MOCS2: variants seen among roughly 807,000 people sequenced by gnomAD.
MOCS2 encodes molybdopterin synthase catalytic subunit.
A neutral mutation model predicts 21.9 loss-of-function variants in MOCS2; 13 were observed. That is an observed-to-expected ratio of 0.59 (90% CI 0.39 to 0.94). MOCS2 has a LOEUF of 0.94. Ranked by LOEUF, MOCS2 falls within the 40% of genes least tolerant of loss-of-function variation. The probability of loss-of-function intolerance (pLI) is 0.00; values close to 1 mark genes in which losing one functional copy is unlikely to be tolerated. For synonymous variants in MOCS2, 92 were observed against 80.8 expected, an observed-to-expected ratio of 1.14 and a Z score of -0.74; for missense variants, 227 against 218.3, an observed-to-expected ratio of 1.04 and a Z score of -0.25.
chr5:53,107,327 C>A lies in MOCS2; in HGVS notation c.-47-106G>T, dbSNP rs1341077858. The A allele has an allele frequency of 1.2e-5, 13 of 1,076,742 alleles. No individual in the cohort carries two copies. The East Asian group carries it at 1.6e-4, about 13-fold the overall frequency. The allele number at this position is 1,076,742 out of a possible 1,614,324, so 66.7% of individuals were successfully genotyped here. The stretch of plus-strand genomic sequence containing the variant: ...ATAGATATAATTATATAAAGCATCA[C>A]CTGCAAAATTACCAATTAAATTTAC... On this transcript the variant is annotated intron_variant, in intron 2 of 6. Coordinates refer to ENST00000396954, the MANE Select transcript of MOCS2 (RefSeq NM_004531.5).
intron 3 of MOCS2, among the ~76,000 whole-genome samples, chr5:53,103,056 C>T (rs1043708147): frequency 2.0e-5 from 3 of 151,818 alleles, no homozygotes; most frequent in African/African-American, 4.8e-5. Context: ...TTTTATCTGA[C>T]GGGCTCACAT....
intron 1 of MOCS2, 97 bp from the exon 2 acceptor site, chr5:53,108,740 T>C: frequency 1.6e-6 from 2 of 1,241,640 alleles, no homozygotes; most frequent in Non-Finnish European, 2.2e-6. Flanking sequence ...ATTGCTTTAA[T>C]CAAAGACAAA....
chr5:53,109,661 C>G lies in MOCS2; in HGVS notation c.-580G>C, dbSNP rs1741155547. On this transcript the variant is annotated 5_prime_UTR_variant, in exon 1 of 7. Transcript: ENST00000396954. The stretch of plus-strand genomic sequence containing the variant: ...GTGGAGGGAAAGGGCGGGAGAGACA[C>G]GTCGAGGAGGGCTCCGCACCCAGGC... 2 of 1,549,508 alleles carry G rather than the reference C, an allele frequency of 1.3e-6. No homozygotes were observed. Among genetic ancestry groups the G allele is most frequent in the Non-Finnish European group, 8.7e-7 (1 of 1,146,590 alleles).
At chr5:53,102,278 A>G in intron 3 of MOCS2, 54 bp from the exon 4 acceptor site, 2 of 1,508,724 alleles carry the variant, frequency 1.3e-6, no homozygotes, top group Non-Finnish European at 1.8e-6. Flanking sequence ...TAAAACACTC[A>G]ACAACTTATA....
chr5:53,107,038 T>A, intron 3 of MOCS2, 39 bp downstream of exon 3: 1 of 1,611,188 alleles, frequency 6.2e-7, no homozygotes, highest in Non-Finnish European at 8.5e-7. Flanking sequence ...GTATGATCCT[T>A]CCCCACACGA....
rs1288528536 is a variant in MOCS2 at position 53,097,683 on chromosome 5, G to T, written c.*919C>A. On this transcript the variant is annotated 3_prime_UTR_variant, in exon 7 of 7. Coordinates refer to ENST00000396954, the MANE Select transcript of MOCS2 (RefSeq NM_004531.5). ...GAATATGTTAATTAGTTGGATTATG[G>T]TAATCACCTCACAATGTATATGTGT... is the stretch of plus-strand genomic sequence containing the variant. 6.6e-6 allele frequency: 1 copy of T among 151,978 alleles called. No individual in the cohort carries two copies. The highest frequency in any genetic ancestry group is 1.5e-5 in the Non-Finnish European group (1 of 68,000). The allele number at this position is 151,978 out of a possible 1,614,324, so 9.4% of individuals were successfully genotyped here. A position where few individuals can be genotyped will look rare whatever the true frequency, so the allele number is the denominator to read the frequency against.
intron 3 of MOCS2, among the ~76,000 whole-genome samples, chr5:53,104,876 T>C (rs1489884567): frequency 6.6e-6 from 1 of 152,238 alleles, no homozygotes; most frequent in Non-Finnish European, 1.5e-5. Flanking sequence ...CAAGAGTTTT[T>C]ATTCAGGGAT....
rs1741149283 is a variant in MOCS2 at position 53,109,549 on chromosome 5, G to GGGGGCC, written c.-469_-468insGGCCCC. 7.2e-7 allele frequency: 1 copy of GGGGGCC among 1,390,784 alleles called. No homozygotes were observed. Among genetic ancestry groups the GGGGGCC allele is most frequent in the East Asian group, 2.7e-5 (1 of 36,704 alleles). The allele number at this position is 1,390,784 out of a possible 1,614,324, so 86.2% of individuals were successfully genotyped here. On this transcript the variant is annotated 5_prime_UTR_variant, in exon 1 of 7. Transcript: ENST00000396954. ...TAAAGCCCGGAGACAGGAAGGGCCC[G>GGGGGCC]GGGGCGGGGGCGGGGGCGCCCCCGA...
At chr5:53,105,239 G>A (rs958626406) in intron 3 of MOCS2, among the ~76,000 whole-genome samples, 2 of 151,956 alleles carry the variant, frequency 1.3e-5, no homozygotes, top group Non-Finnish European at 2.9e-5. Flanking sequence ...CCAATAATAT[G>A]AGTTCAAATG....
intron 3 of MOCS2, among the ~76,000 whole-genome samples, chr5:53,105,956 C>G (rs910345944): frequency 6.6e-6 from 1 of 152,136 alleles, no homozygotes; most frequent in Non-Finnish European, 1.5e-5. Context: ...ATGTGGCCAA[C>G]AATCATATGA....
intron 5 of MOCS2, chr5:53,101,130 C>T: frequency 1.7e-6 from 1 of 586,172 alleles, no homozygotes; most frequent in Non-Finnish European, 3.0e-6. Context: ...AGTCTTGGCA[C>T]AACTGCAGTT....
In MOCS2 at chr5:53,100,461, C is replaced by T; in HGVS notation, c.451G>A (p.Val151Met). The T allele has an allele frequency of 6.2e-7, 1 of 1,613,806 alleles. No homozygotes were observed. Among genetic ancestry groups the T allele is most frequent in the South Asian group, 1.1e-5 (1 of 91,080 alleles). Reference sequence around the variant, plus strand: ...TTTAAAGTATCAATGGCATAGCTCACAGCTTCAAGAGATGCAGCTCTGTGG... The same window carrying T: ...TTTAAAGTATCAATGGCATAGCTCATAGCTTCAAGAGATGCAGCTCTGTGG... ...SAHRAASLEA[V>M]SYAIDTLKAK... The change falls in exon 6 of 7, where the codon GTG (valine) becomes ATG (methionine). Residue 151 changes from valine (V) to methionine (M), a missense_variant. Val to Met is a conservative substitution (Grantham distance 21, BLOSUM62 1). Transcript: ENST00000396954.
chr5:53,109,672 G>A lies in MOCS2; in HGVS notation c.-591C>T, dbSNP rs757637004. On this transcript the variant is annotated 5_prime_UTR_variant, in exon 1 of 7. Coordinates refer to ENST00000396954, the MANE Select transcript of MOCS2 (RefSeq NM_004531.5). Reference sequence around the variant, plus strand: ...GGGCGGGAGAGACACGTCGAGGAGGGCTCCGCACCCAGGCCCGCACGCACA... The same window carrying A: ...GGGCGGGAGAGACACGTCGAGGAGGACTCCGCACCCAGGCCCGCACGCACA... The A allele has an allele frequency of 1.3e-6, 2 of 1,551,020 alleles. No homozygotes were observed. Among genetic ancestry groups the A allele is most frequent in the Admixed American group, 3.9e-5 (2 of 51,302 alleles).
Position 53,109,726 on chromosome 5 carries a change from C to A in MOCS2, c.-645G>T. 3.9e-6 allele frequency: 6 copies of A among 1,551,576 alleles called. No homozygotes were observed. The highest frequency in any genetic ancestry group is 5.2e-6 in the Non-Finnish European group (6 of 1,147,610). ...GCCACCCTTACCTGGCACAGCGGCACCATCCCGCCTAGGACAGCGGGACCG... is the reference window on the plus strand; with the variant it reads ...GCCACCCTTACCTGGCACAGCGGCAACATCCCGCCTAGGACAGCGGGACCG... On this transcript the variant is annotated 5_prime_UTR_variant, in exon 1 of 7. Transcript: ENST00000396954.
intron 6 of MOCS2, among the ~76,000 whole-genome samples, chr5:53,100,000 A>ATT (rs112807613): frequency 6.6e-5 from 10 of 150,882 alleles, no homozygotes; most frequent in African/African-American, 2.2e-4. Context: ...ATATCTCACC[A>ATT]TTTTTTTTTC....
intron 3 of MOCS2, among the ~76,000 whole-genome samples, chr5:53,102,776 G>T (rs1284354798): frequency 6.6e-6 from 1 of 151,806 alleles, no homozygotes; most frequent in East Asian, 1.9e-4. Flanking sequence ...GTGAAACCCC[G>T]TCTCTACTAA....
At chr5:53,105,018 G>C (rs1407941892) in intron 3 of MOCS2, among the ~76,000 whole-genome samples, 5 of 152,126 alleles carry the variant, frequency 3.3e-5, no homozygotes, top group Admixed American at 6.6e-5. Context: ...CTTGAATATG[G>C]ACTAAGTTGT....
intron 3 of MOCS2, among the ~76,000 whole-genome samples, chr5:53,103,632 T>A (rs1019303921): frequency 1.3e-5 from 2 of 152,182 alleles, no homozygotes; most frequent in Non-Finnish European, 2.9e-5. Context: ...GCACTAGATA[T>A]CAATCAGGGG....
At chr5:53,100,262 T>A in intron 6 of MOCS2, 149 bp downstream of exon 6, 1 of 894,270 alleles carries the variant, frequency 1.1e-6, no homozygotes, top group Non-Finnish European at 1.7e-6. Context: ...TTTTTCATGC[T>A]TAACAAATCT....
Sources: allele counts gnomAD v4.1 joint callset (sites outside exome capture counted in the v4.1 genomes callset), GRCh38; gene constraint gnomAD v4.1.1; transcripts MANE v1.5; gene names NCBI Gene and HGNC (gene_info 2026-07-23, HGNC 2026-07-21).